The following MED13L variants were observed in gnomAD, a reference collection of about 807,000 sequenced individuals.
The protein encoded by MED13L is mediator complex subunit 13L.
In MED13L, 7 loss-of-function variants were observed where a neutral mutation model predicts 220.9. That is an observed-to-expected ratio of 0.03 (90% CI 0.02 to 0.06). The LOEUF (loss-of-function observed/expected upper bound fraction) is 0.06. Ranked by LOEUF, MED13L falls within the 10% of genes least tolerant of loss-of-function variation. The pLI is 1.00. For synonymous variants in MED13L, 1,011 were observed against 1,015.2 expected, an observed-to-expected ratio of 1.00 and a Z score of 0.08; for missense variants, 1,965 against 2,760.5, an observed-to-expected ratio of 0.71 and a Z score of 6.46.
At chr12:116,122,612 C>T (rs1268631286) in intron 2 of MED13L, among the ~76,000 whole-genome samples, 2 of 152,100 alleles carry the variant, frequency 1.3e-5, no homozygotes, top group African/African-American at 4.8e-5. Flanking sequence ...CTAAAACGTT[C>T]CATTTATTTC....
intron 7 of MED13L, among the ~76,000 whole-genome samples, chr12:116,015,720 A>T (rs1043061992): frequency 3.9e-5 from 6 of 152,236 alleles, no homozygotes; most frequent in African/African-American, 1.4e-4. Context: ...ATACTCATGT[A>T]GCTAAATGGC....
chr12:116,229,678 T>G (rs185901567), intron 2 of MED13L, among the ~76,000 whole-genome samples: 1 of 152,264 alleles, frequency 6.6e-6, no homozygotes, highest in East Asian at 1.9e-4. Context: ...CTTTTTCAAT[T>G]CTTCATCTGA....
At chr12:116,228,941 T>C (rs997040573) in intron 2 of MED13L, among the ~76,000 whole-genome samples, 6 of 152,140 alleles carry the variant, frequency 3.9e-5, no homozygotes, top group Non-Finnish European at 8.8e-5. Context: ...ACAACCTCTT[T>C]TTTAAATTTT....
Position 115,983,460 on chromosome 12 carries a change from C to G in MED13L, c.4612G>C (p.Gly1538Arg), listed in dbSNP as rs1877478305. The change falls in exon 21 of 31, where the codon GGA becomes CGA. Residue 1538 changes from glycine to arginine, a missense_variant. Transcript: ENST00000281928. Reference sequence around the variant, plus strand: ...CCAGCATTCCCTGGCGTAGCTTGTCCCTGTGCTGCTGCTGGTGGGGTCTGG... The same window carrying G: ...CCAGCATTCCCTGGCGTAGCTTGTCGCTGTGCTGCTGCTGGTGGGGTCTGG... ...KYQTPPAAAQ[G>R]QATPGNAGPL... The G allele has an allele frequency of 6.2e-7, 1 of 1,614,004 alleles. No individual in the cohort carries two copies. The highest frequency in any genetic ancestry group is 8.5e-7 in the Non-Finnish European group (1 of 1,180,014).
chr12:116,156,423 A>G (rs1044263908), intron 2 of MED13L, among the ~76,000 whole-genome samples: 1 of 145,604 alleles, frequency 6.9e-6, no homozygotes, highest in Non-Finnish European at 1.5e-5. Context: ...AAAAAAAAAA[A>G]CTTTTATAGT....
At chr12:116,219,027 C>T (rs1298303655) in intron 2 of MED13L, among the ~76,000 whole-genome samples, 6 of 152,214 alleles carry the variant, frequency 3.9e-5, no homozygotes, top group African/African-American at 1.4e-4. Flanking sequence ...TGAGCCACCA[C>T]ACCCAGCCTA....
chr12:116,099,088 A>G (rs1872845682), intron 3 of MED13L, among the ~76,000 whole-genome samples: 1 of 152,188 alleles, frequency 6.6e-6, no homozygotes, highest in Non-Finnish European at 1.5e-5. Context: ...AGCAGTAATA[A>G]AAGATGAGTG....
chr12:116,150,232 T>C (rs995858709), intron 2 of MED13L, among the ~76,000 whole-genome samples: 4 of 152,214 alleles, frequency 2.6e-5, no homozygotes, highest in African/African-American at 9.6e-5. Flanking sequence ...TCACTGGACA[T>C]TAACTTCACA....
intron 2 of MED13L, among the ~76,000 whole-genome samples, chr12:116,221,422 A>G (rs12318586): frequency 0.029 from 4,354 of 151,984 alleles, 193 homozygotes; most frequent in African/African-American, 0.099. Flanking sequence ...CCTGAAATTC[A>G]TTCAAGTTAA....
chr12:116,146,337 G>T (rs1877512153), intron 2 of MED13L, among the ~76,000 whole-genome samples: 1 of 151,960 alleles, frequency 6.6e-6, no homozygotes, highest in Non-Finnish European at 1.5e-5. Context: ...GGCCAAGATG[G>T]TCTCGATCTC....
At chr12:115,976,196 C>G (rs980857073) in intron 23 of MED13L, among the ~76,000 whole-genome samples, 2 of 151,900 alleles carry the variant, frequency 1.3e-5, no homozygotes, top group African/African-American at 4.8e-5. Context: ...ATATGTTTAC[C>G]AAAAAACAGG....
rs182119675 is a variant in MED13L, at chr12:116,276,682, C to G, written c.72+378G>C. 53 of 1,179,806 alleles carry G rather than the reference C, an allele frequency of 4.5e-5. No homozygotes were observed. The East Asian group carries it at 3.0e-3, about 68-fold the overall frequency. The allele number at this position is 1,179,806 out of a possible 1,614,324, so 73.1% of individuals were successfully genotyped here. On this transcript the variant is annotated intron_variant, in intron 1 of 30. Transcript: ENST00000281928. ...AAGAGGTTGCCGATCGGAGGCGCGG[C>G]AGCACAAGGCAAAGCCTTCCACATT...
intron 7 of MED13L, among the ~76,000 whole-genome samples, chr12:116,018,573 C>CA (rs1434593762): frequency 1.3e-5 from 2 of 151,980 alleles, no homozygotes; most frequent in Non-Finnish European, 2.9e-5. Context: ...AAAGTGAGGT[C>CA]AACTACAACA....
At chr12:116,103,631 T>C (rs1873284781) in intron 3 of MED13L, among the ~76,000 whole-genome samples, 1 of 152,188 alleles carries the variant, frequency 6.6e-6, no homozygotes, top group Non-Finnish European at 1.5e-5. Context: ...TTCCCTTGAC[T>C]GAAAAATATT....
chr12:116,265,674 T>C (rs1872779436), intron 1 of MED13L, among the ~76,000 whole-genome samples: 1 of 152,208 alleles, frequency 6.6e-6, no homozygotes, highest in Non-Finnish European at 1.5e-5. Context: ...ACATCATTTC[T>C]TAATCTAAAT....
At chr12:116,059,129 G>A (rs915762632) in intron 4 of MED13L, among the ~76,000 whole-genome samples, 10 of 152,216 alleles carry the variant, frequency 6.6e-5, no homozygotes, top group Non-Finnish European at 1.2e-4. Context: ...GTGCAGTCAC[G>A]CGATCATGGC....
At chr12:116,268,631 C>CA (rs758154779) in intron 1 of MED13L, among the ~76,000 whole-genome samples, 3,909 of 120,060 alleles carry the variant, frequency 0.033, 82 homozygotes, top group Middle Eastern at 0.084. Flanking sequence ...CTCCTCCCAG[C>CA]AAAAAAAAAA....
At chr12:116,013,161 C>T (rs1440805856) in intron 8 of MED13L, among the ~76,000 whole-genome samples, 1 of 152,078 alleles carries the variant, frequency 6.6e-6, no homozygotes, top group African/African-American at 2.4e-5. Context: ...TTGCTTGAGT[C>T]CAGGAGTTTG....
At chr12:116,078,096 C>A (rs1225973713) in intron 4 of MED13L, among the ~76,000 whole-genome samples, 2 of 142,924 alleles carry the variant, frequency 1.4e-5, no homozygotes, top group Admixed American at 7.2e-5. Context: ...GAGCTGAGAT[C>A]ACACCACTGC....
Sources: allele counts gnomAD v4.1 joint callset (sites outside exome capture counted in the v4.1 genomes callset), GRCh38; gene constraint gnomAD v4.1.1; transcripts MANE v1.5; gene names NCBI Gene and HGNC (gene_info 2026-07-23, HGNC 2026-07-21).